ITGA10: variants seen among roughly 807,000 people sequenced by gnomAD.
ITGA10 encodes integrin subunit alpha 10.
ITGA10 carries 105 observed loss-of-function variants against 145.2 expected under a neutral mutation model. The observed-to-expected ratio is 0.72, with a 90% confidence interval of 0.62 to 0.85. ITGA10 has a LOEUF of 0.85. Ranked by LOEUF, ITGA10 falls within the 40% of genes least tolerant of loss-of-function variation. The pLI, the probability that ITGA10 is intolerant of heterozygous loss-of-function variation, is 0.00. For missense variants in ITGA10, 1,317 were observed against 1,444.5 expected (o/e 0.91, Z 1.43); for synonymous variants, 506 against 557.8 (o/e 0.91, Z 1.31).
chr1:145,896,848 C>T lies in ITGA10; in HGVS notation c.2755G>A (p.Glu919Lys). 6.2e-7 allele frequency: 1 copy of T among 1,613,760 alleles called. No individual in the cohort carries two copies. Among genetic ancestry groups the T allele is most frequent in the Non-Finnish European group, 8.5e-7 (1 of 1,179,740 alleles). The change falls in exon 23 of 30, where the codon GAG (glutamate) becomes AAG (lysine). Residue 919 changes from glutamate to lysine, a missense_variant. Physicochemically the swap from Glu to Lys is moderately conservative, Grantham distance 56. Transcript: ENST00000369304. ...TTATCTTGAAGGGTCCCATTTCTCT[C>T]CAGGCTGTCACTGTAGGGTCAGAGG... ...VKLTASSDSLERNGTLQDNTA... is the reference protein window; with the variant it reads ...VKLTASSDSLKRNGTLQDNTA...
chr1:145,908,413 G>C (rs587649584), intron 1 of ITGA10, among the ~76,000 whole-genome samples: 1 of 152,106 alleles, frequency 6.6e-6, no homozygotes, highest in Admixed American at 6.6e-5. Context: ...CCATCATCCT[G>C]AAGTTTCCCA....
Position 145,899,114 on chromosome 1 carries a change from G to T in ITGA10, c.2090-36C>A, listed in dbSNP as rs201742205. On this transcript the variant is annotated intron_variant, in intron 16 of 29. Transcript: ENST00000369304. ...GAGGCAAGAGTGAGGGTGGAAAGGG[G>T]TCTAGTGAGGAAGGCATGCAAGGAA... is the stretch of plus-strand genomic sequence containing the variant. 16 of 1,614,152 alleles carry T rather than the reference G, an allele frequency of 9.9e-6. No individual in the cohort carries two copies. The African/African-American group carries it at 1.9e-4, about 19-fold the overall frequency.
intron 7 of ITGA10, 143 bp downstream of exon 7, chr1:145,903,909 G>A (rs1157874385): frequency 1.3e-5 from 11 of 820,354 alleles, no homozygotes; most frequent in African/African-American, 6.8e-5. Flanking sequence ...GGCTGGTCTC[G>A]AACTCCTGAC....
At chr1:145,904,007 C>T (rs782469788) in intron 7 of ITGA10, 45 bp downstream of exon 7, 1 of 1,609,446 alleles carries the variant, frequency 6.2e-7, no homozygotes, top group Non-Finnish European at 8.5e-7. Flanking sequence ...CTCTTCTAAG[C>T]CTTCATTGCT....
intron 27 of ITGA10, 150 bp from the exon 28 acceptor site, chr1:145,893,785 G>C: frequency 1.6e-6 from 1 of 624,058 alleles, no homozygotes; most frequent in South Asian, 2.0e-5. Context: ...AATGGGAAAA[G>C]AGAGGAAGGG....
chr1:145,906,743 C>T lies in ITGA10; in HGVS notation c.356G>A (p.Gly119Glu), dbSNP rs2101832369. 1 of 1,611,498 alleles carries T rather than the reference C, an allele frequency of 6.2e-7. No homozygotes were observed. The highest frequency in any genetic ancestry group is 1.7e-5 in the Admixed American group (1 of 59,988). ...GMSLLETDGD[G>E]GFMACAPLWS... ...CTCTCCTTAGCTCACCATGAATCCC[C>T]CATCACCATCTGTCTCTAACAGAGA... Residue 119 changes from glycine (G) to glutamate (E), a missense_variant, in exon 4 of 30, where the codon GGG (glycine) becomes GAG (glutamate). Gly to Glu is a moderately conservative substitution (Grantham distance 98). Coordinates refer to ENST00000369304, the MANE Select transcript of ITGA10 (RefSeq NM_003637.5).
chr1:145,902,763 G>GC (rs781885785), intron 8 of ITGA10, 48 bp downstream of exon 8: 34 of 1,574,178 alleles, frequency 2.2e-5, no homozygotes, highest in Non-Finnish European at 2.8e-5. Flanking sequence ...ACAAGACACT[G>GC]CCCCCCTGCC....
At position 145,895,405 on chromosome 1, in the gene ITGA10, GAC is replaced by G; in HGVS notation, c.3115-14_3115-13del. 6 of 1,592,948 alleles carry G rather than the reference GAC, an allele frequency of 3.8e-6. No individual in the cohort carries two copies. The highest frequency in any genetic ancestry group is 4.3e-6 in the Non-Finnish European group (5 of 1,161,190). ...GTATTGCTCCCATTCTAACAGAAGA[GAC>G]AGAGAGAGACAGATCAGGACTCTGG... On this transcript the variant is annotated splice_polypyrimidine_tract_variant and intron_variant, in intron 26 of 29. Coordinates refer to ENST00000369304, the MANE Select transcript of ITGA10 (RefSeq NM_003637.5).
rs1427575002 is a variant in ITGA10 at position 145,892,812 on chromosome 1, T to C, written c.3490A>G (p.Lys1164Glu). Reference protein sequence around the residue: ...KIPEEEKREEKLEQ With the variant: ...KIPEEEKREEELEQ ...TTATTCTACATTCATTGCTCCAACTTCTCTTCTCTTTTTTCTTCCTCAGGG... is the reference window on the plus strand; with the variant it reads ...TTATTCTACATTCATTGCTCCAACTCCTCTTCTCTTTTTTCTTCCTCAGGG... The change falls in exon 30 of 30, where the codon AAG (lysine) becomes GAG (glutamate). Residue 1164 changes from lysine (K) to glutamate (E), a missense_variant. Physicochemically the swap from Lys to Glu is moderately conservative, Grantham distance 56. Transcript: ENST00000369304. The C allele has an allele frequency of 1.9e-6, 3 of 1,613,292 alleles. No individual in the cohort carries two copies. The highest frequency in any genetic ancestry group is 3.3e-4 in the Middle Eastern group (2 of 6,060).
At chr1:145,909,464 G>A (rs1278684604) in intron 1 of ITGA10, among the ~76,000 whole-genome samples, 2 of 131,660 alleles carry the variant, frequency 1.5e-5, no homozygotes, top group Admixed American at 1.7e-4. Context: ...ATATAATTAT[G>A]TTATATATTA....
intron 15 of ITGA10, among the ~76,000 whole-genome samples, 158 bp downstream of exon 15, chr1:145,899,899 A>G (rs985495761): frequency 1.2e-4 from 18 of 152,224 alleles, no homozygotes; most frequent in African/African-American, 4.1e-4. Context: ...CAATAAACCT[A>G]TAAGGTAGGT....
Position 145,897,271 on chromosome 1 carries a change from A to T in ITGA10, c.2643T>A (p.His881Gln). 6.2e-7 allele frequency: 1 copy of T among 1,614,050 alleles called. No individual in the cohort carries two copies. The highest frequency in any genetic ancestry group is 8.5e-7 in the Non-Finnish European group (1 of 1,179,992). The change falls in exon 21 of 30, where the codon CAT becomes CAA. Residue 881 changes from histidine (H) to glutamine (Q), a missense_variant. Physicochemically the swap from His to Gln is conservative, Grantham distance 24 (BLOSUM62 0). Transcript: ENST00000369304. ...CCTTGGCTCCAGTCTGGAAGACAGG[A>T]TGCCCCACACTGCAGAGCCGGGCAT... ...SAHARLCSVG[H>Q]PVFQTGAKVT...
chr1:145,899,941 A>G (rs1656000528), intron 15 of ITGA10, 116 bp downstream of exon 15: 1 of 1,020,900 alleles, frequency 9.8e-7, no homozygotes, highest in South Asian at 1.7e-5. Context: ...TAAACTAAGA[A>G]TGGAGGCACA....
Position 145,901,490 on chromosome 1 carries a change from G to GT in ITGA10, c.1443+25dup. ...CCCAGAGGTCCCTGGGAATCCAAAG[G>GT]TCCCACCCTTCCTTGGATGCCCTAC... On this transcript the variant is annotated intron_variant, in intron 12 of 29. Coordinates refer to ENST00000369304, the MANE Select transcript of ITGA10 (RefSeq NM_003637.5). The surrounding 1 kb of genome is among the most constrained non-coding windows in gnomAD (Gnocchi z 4.3). 2 of 1,544,940 alleles carry GT rather than the reference G, an allele frequency of 1.3e-6. No homozygotes were observed. The highest frequency in any genetic ancestry group is 1.7e-6 in the Non-Finnish European group (2 of 1,148,554).
rs189105518 is a variant in ITGA10 at position 145,895,253 on chromosome 1, G to C, written c.3228+27C>G. 1,175 of 1,487,982 alleles carry C rather than the reference G, an allele frequency of 7.9e-4. 8 individuals carry two copies. In the African/African-American group the frequency reaches 0.014, roughly 17 times the overall value. 92.2% of individuals were successfully genotyped at this position (1,487,982 alleles called of 1,614,324 possible). A position where few individuals can be genotyped will look rare whatever the true frequency, so the allele number is the denominator to read the frequency against. ...AAAGTTCCAGAAAGGAGCAGAAGTG[G>C]GGAGTACTAGAAAAGGAAAGGCTTA... On this transcript the variant is annotated intron_variant, in intron 27 of 29. Transcript: ENST00000369304.
chr1:145,907,067 T>C lies in ITGA10; in HGVS notation c.248A>G (p.Asn83Ser), dbSNP rs1432252609. 9.6e-6 allele frequency: 15 copies of C among 1,560,502 alleles called. No individual in the cohort carries two copies. The Admixed American group carries it at 2.1e-4, about 22-fold the overall frequency. ...TAAGTGGCCCTTGGCACATGGGGCATTGTGGGCCCCCCCTACAGGGCAGCG... is the reference window on the plus strand; with the variant it reads ...TAAGTGGCCCTTGGCACATGGGGCACTGTGGGCCCCCCCTACAGGGCAGCG... Reference protein sequence around the residue: ...VYRCPVGGAHNAPCAKGHLGD... With the variant: ...VYRCPVGGAHSAPCAKGHLGD... Residue 83 changes from asparagine (N) to serine (S), a missense_variant, in exon 3 of 30, where the codon AAT (asparagine) becomes AGT (serine). Coordinates refer to ENST00000369304, the MANE Select transcript of ITGA10 (RefSeq NM_003637.5).
At chr1:145,903,565 C>T (rs1553749987) in intron 7 of ITGA10, among the ~76,000 whole-genome samples, 9 of 151,806 alleles carry the variant, frequency 5.9e-5, no homozygotes, top group Admixed American at 4.6e-4. Context: ...CTCTTTGTAC[C>T]ATTAGTGTAC....
At chr1:145,893,317 C>A in intron 28 of ITGA10, 43 bp from the exon 29 acceptor site, 1 of 1,374,428 alleles carries the variant, frequency 7.3e-7, no homozygotes, top group South Asian at 1.2e-5. Context: ...ATCCTATAAC[C>A]CAGCTAGCCT....
chr1:145,892,969 T>C (rs1354326875), intron 29 of ITGA10, 106 bp from the exon 30 acceptor site: 3 of 1,019,238 alleles, frequency 2.9e-6, no homozygotes, highest in Non-Finnish European at 4.6e-6. Flanking sequence ...TTTCCAAAAA[T>C]GGAATTCAAA....
Sources: gnomAD v4.1 joint callset for allele counts (sites outside exome capture counted in the v4.1 genomes callset) on GRCh38, gnomAD v4.1.1 for gene constraint, Gnocchi (gnomAD v3.1) non-coding constraint, MANE v1.5 for transcripts, NCBI Gene and HGNC (gene_info 2026-07-23, HGNC 2026-07-21) for gene names.